HS3ST5: variants seen among roughly 807,000 people sequenced by gnomAD.
HS3ST5 encodes the protein heparan sulfate glucosamine 3-O-sulfotransferase 5.
HS3ST5 carries 10 observed loss-of-function variants against 25.4 expected under a neutral mutation model. The ratio of observed to expected loss-of-function variants is 0.39; its 90% CI spans 0.24 to 0.67. HS3ST5 has a LOEUF of 0.67. HS3ST5 is among the 30% of genes least tolerant of loss of function. The pLI is 0.44. For synonymous variants in HS3ST5, 170 were observed against 162.4 expected (o/e 1.05, Z -0.36); for missense variants, 324 against 420.7 (o/e 0.77, Z 2.01).
At chr6:114,148,969 A>G (rs1008532399) in intron 3 of HS3ST5, among the ~76,000 whole-genome samples, 2 of 152,192 alleles carry the variant, frequency 1.3e-5, no homozygotes, top group Non-Finnish European at 2.9e-5. Flanking sequence ...GTGGCAAACA[A>G]ACATGAAAGA....
intron 1 of HS3ST5, among the ~76,000 whole-genome samples, chr6:114,328,141 T>G (rs1406160625): frequency 1.3e-5 from 2 of 151,970 alleles, no homozygotes; most frequent in Non-Finnish European, 1.5e-5. Flanking sequence ...TTTGATCACA[T>G]ATACTTTTTA....
intron 2 of HS3ST5, among the ~76,000 whole-genome samples, chr6:114,195,068 C>CT (rs1780674875): frequency 6.6e-6 from 1 of 152,166 alleles, no homozygotes; most frequent in Non-Finnish European, 1.5e-5. Flanking sequence ...GACACATAAC[C>CT]TTGATATTTA....
chr6:114,090,197 G>C (rs1775050229), intron 3 of HS3ST5, among the ~76,000 whole-genome samples: 1 of 152,178 alleles, frequency 6.6e-6, no homozygotes, highest in Non-Finnish European at 1.5e-5. Flanking sequence ...AGTCTTAGTT[G>C]AGGTTGCCTC....
chr6:114,245,441 T>G (rs1772333849), intron 1 of HS3ST5, among the ~76,000 whole-genome samples: 4 of 152,092 alleles, frequency 2.6e-5, no homozygotes, highest in South Asian at 4.1e-4. Context: ...AGGATCATCA[T>G]CAAGAATAAT....
chr6:114,108,980 T>C (rs1231495698), intron 3 of HS3ST5, among the ~76,000 whole-genome samples: 1 of 152,064 alleles, frequency 6.6e-6, no homozygotes, highest in Non-Finnish European at 1.5e-5. Flanking sequence ...CTGGGCAACA[T>C]GGCAAAACCC....
At chr6:114,232,073 CTATT>C (rs1771621737) in intron 1 of HS3ST5, among the ~76,000 whole-genome samples, 2 of 152,130 alleles carry the variant, frequency 1.3e-5, no homozygotes, top group Non-Finnish European at 2.9e-5. Context: ...AATATCTTTT[CTATT>C]TATTTCTATT....
rs574856800 is a variant in HS3ST5 at position 114,182,008 on chromosome 6, GTGTT to G, written c.-144-13550_-144-13547del. On this transcript the variant is annotated intron_variant, in intron 2 of 4. Coordinates refer to ENST00000312719, the MANE Select transcript of HS3ST5 (RefSeq NM_153612.4). ...GCTTTATATTTTAAGATATGATAAT[GTGTT>G]TTTTAACATAAGATTAAAACTATTA... Among the ~76,000 whole-genome samples, 499 of 152,112 alleles carry G rather than the reference GTGTT, an allele frequency of 3.3e-3. 3 individuals are homozygous for G. Among genetic ancestry groups the G allele is most frequent in the African/African-American group, 0.011 (466 of 41,512 alleles).
intron 3 of HS3ST5, among the ~76,000 whole-genome samples, chr6:114,137,177 C>G (rs961874510): frequency 2.6e-5 from 4 of 152,172 alleles, no homozygotes; most frequent in Non-Finnish European, 4.4e-5. Context: ...AATAGGTTAT[C>G]AGGAAAAGAT....
chr6:114,190,594 T>C (rs1260436310), intron 2 of HS3ST5, among the ~76,000 whole-genome samples: 1 of 152,108 alleles, frequency 6.6e-6, no homozygotes, highest in Non-Finnish European at 1.5e-5. Context: ...GTGCCAAGGA[T>C]TTAGAAGGTC....
At chr6:114,239,745 G>A (rs569386257) in intron 1 of HS3ST5, among the ~76,000 whole-genome samples, 10 of 152,196 alleles carry the variant, frequency 6.6e-5, no homozygotes, top group African/African-American at 2.4e-4. Flanking sequence ...CTGAAAGACT[G>A]CCTAACTCTG....
chr6:114,171,816 A>C (rs990983383), intron 2 of HS3ST5, among the ~76,000 whole-genome samples: 3 of 152,170 alleles, frequency 2.0e-5, no homozygotes, highest in Non-Finnish European at 4.4e-5. Context: ...CACCACCACA[A>C]ACAACAACAA....
chr6:114,245,335 A>T (rs189052327), intron 1 of HS3ST5, among the ~76,000 whole-genome samples: 50 of 152,270 alleles, frequency 3.3e-4, no homozygotes, highest in African/African-American at 1.1e-3. Context: ...GGTAATGCAC[A>T]TCCTAACCCA....
At chr6:114,066,968 T>C (rs1317141570) in intron 3 of HS3ST5, among the ~76,000 whole-genome samples, 1 of 152,250 alleles carries the variant, frequency 6.6e-6, no homozygotes, top group Admixed American at 6.5e-5. Flanking sequence ...GAGGTCCCAG[T>C]GTGGACAGTC....
intron 3 of HS3ST5, among the ~76,000 whole-genome samples, chr6:114,072,359 GC>G: frequency 6.6e-6 from 1 of 152,204 alleles, no homozygotes; most frequent in South Asian, 2.1e-4. Context: ...ATGTGGTGAT[GC>G]CCATCCACTG....
intron 1 of HS3ST5, among the ~76,000 whole-genome samples, chr6:114,302,736 A>G (rs1468053499): frequency 6.6e-6 from 1 of 152,186 alleles, no homozygotes; most frequent in Admixed American, 6.5e-5. Context: ...CTTACGGGAC[A>G]TCTTTGGTCC....
At chr6:114,069,825 G>A (rs1036735725) in intron 3 of HS3ST5, among the ~76,000 whole-genome samples, 5 of 152,110 alleles carry the variant, frequency 3.3e-5, no homozygotes, top group African/African-American at 1.2e-4. Flanking sequence ...CCCGGCCCAT[G>A]GGAGACTTTT....
In HS3ST5 at chr6:114,057,860, G is replaced by A. The variant is rs1388849748; in HGVS notation, c.438C>T (p.Ser146=). The A allele has an allele frequency of 1.2e-6, 2 of 1,613,982 alleles. No individual in the cohort carries two copies. Among genetic ancestry groups the A allele is most frequent in the African/African-American group, 1.3e-5 (1 of 74,978 alleles). Residue 146 remains serine, a synonymous_variant, in exon 5 of 5, where the codon TCC becomes TCT. Transcript: ENST00000312719. The part of the protein sequence containing the change: ...IEWYRKKMPF[S]YPQQITIEKS... ...TTTCAATTGTGATTTGCTGAGGGTAGGAAAAAGGCATCTTTTTCCTATACC... is the reference window on the plus strand; with the variant it reads ...TTTCAATTGTGATTTGCTGAGGGTAAGAAAAAGGCATCTTTTTCCTATACC...
intron 2 of HS3ST5, among the ~76,000 whole-genome samples, chr6:114,183,115 T>C (rs961499039): frequency 3.3e-5 from 5 of 152,142 alleles, no homozygotes; most frequent in African/African-American, 9.7e-5. Context: ...TGGCAGATCA[T>C]GGGACTTCTC....
chr6:114,186,282 CCAAA>C (rs987435230), intron 2 of HS3ST5, among the ~76,000 whole-genome samples: 1 of 152,036 alleles, frequency 6.6e-6, no homozygotes, highest in African/African-American at 2.4e-5. Context: ...GCCTCTTCCA[CCAAA>C]CAATTAGCCA....
Sources: allele counts gnomAD v4.1 joint callset (sites outside exome capture counted in the v4.1 genomes callset), GRCh38; gene constraint gnomAD v4.1.1; transcripts MANE v1.5; gene names NCBI Gene and HGNC (gene_info 2026-07-23, HGNC 2026-07-21).